Variants in TNRC6A observed in about 807,000 individuals in gnomAD.
The protein encoded by TNRC6A is trinucleotide repeat containing adaptor 6A.
In TNRC6A, 44 loss-of-function variants were observed where a neutral mutation model predicts 221.2. The observed-to-expected ratio is 0.20, with a 90% confidence interval of 0.16 to 0.26. The LOEUF (loss-of-function observed/expected upper bound fraction) is 0.26. Among genes scored for constraint, TNRC6A ranks in the 10% least tolerant of loss-of-function variants. TNRC6A has a pLI of 1.00. For missense variants in TNRC6A, 2,199 were observed against 2,404.4 expected (o/e 0.91, Z 1.79); for synonymous variants, 847 against 838.5 (o/e 1.01, Z -0.18).
chr16:24,753,560 A>C (rs954909347), intron 3 of TNRC6A, among the ~76,000 whole-genome samples: 3 of 152,330 alleles, frequency 2.0e-5, no homozygotes, highest in Admixed American at 6.5e-5. Flanking sequence ...GTGTTACCAG[A>C]TAGCTCTTGA....
At chr16:24,690,810 C>CT (rs11440232) in intron 2 of TNRC6A, among the ~76,000 whole-genome samples, 13,872 of 142,628 alleles carry the variant, frequency 0.097, 1,097 homozygotes, top group African/African-American at 0.21. Context: ...TCTTTTCTTT[C>CT]TTTTTTTTTT....
chr16:24,637,873 C>T (rs918997802), intron 1 of TNRC6A, among the ~76,000 whole-genome samples: 1 of 152,158 alleles, frequency 6.6e-6, no homozygotes, highest in South Asian at 2.1e-4. Context: ...GCACCCTCCA[C>T]CTCCTGGTTC....
intron 1 of TNRC6A, among the ~76,000 whole-genome samples, chr16:24,638,654 A>C (rs374983479): frequency 6.6e-6 from 1 of 152,046 alleles, no homozygotes; most frequent in South Asian, 2.1e-4. Context: ...CGGAGGTTGC[A>C]GTGAGCTGAG....
At chr16:24,809,516 AAAC>A (rs1394527529) in intron 18 of TNRC6A, 35 bp downstream of exon 18, 44 of 1,511,090 alleles carry the variant, frequency 2.9e-5, no homozygotes, top group Non-Finnish European at 3.6e-5. Flanking sequence ...AAAAAAAAAA[AAAC>A]ACACACACCT....
chr16:24,804,051 TCACATACCC>T, intron 11 of TNRC6A, 117 bp from the exon 12 acceptor site: 1 of 957,678 alleles, frequency 1.0e-6, no homozygotes, highest in Non-Finnish European at 1.5e-6. Flanking sequence ...AGTGTATTTT[TCACATACCC>T]TTGTCTTGGC....
chr16:24,757,017 C>T (rs1235539635), intron 3 of TNRC6A, among the ~76,000 whole-genome samples: 4 of 152,110 alleles, frequency 2.6e-5, no homozygotes, highest in Admixed American at 2.6e-4. Flanking sequence ...CATATACTAA[C>T]TTCTCTCTAA....
intron 8 of TNRC6A, 169 bp from the exon 9 acceptor site, chr16:24,795,738 T>C: frequency 1.8e-6 from 1 of 556,260 alleles, no homozygotes; most frequent in Non-Finnish European, 3.2e-6. Flanking sequence ...CTCACAACCA[T>C]CTAAGATAGG....
At chr16:24,635,378 G>T (rs1283579733) in intron 1 of TNRC6A, among the ~76,000 whole-genome samples, 1 of 152,006 alleles carries the variant, frequency 6.6e-6, no homozygotes, top group East Asian at 1.9e-4. Flanking sequence ...TGCCTCCCAG[G>T]TTCAAGCCAT....
chr16:24,671,925 AC>A (rs1328614310), intron 2 of TNRC6A, among the ~76,000 whole-genome samples: 1 of 152,216 alleles, frequency 6.6e-6, no homozygotes, highest in African/African-American at 2.4e-5. Flanking sequence ...AGAGACAAAA[AC>A]CAAATGCAAT....
chr16:24,812,877 CTTTTTTTTT>C (rs71383720), intron 18 of TNRC6A, among the ~76,000 whole-genome samples: 25 of 74,992 alleles, frequency 3.3e-4, no homozygotes, highest in South Asian at 1.2e-3. Flanking sequence ...ACCTCTTGGG[CTTTTTTTTT>C]TTTTTTTTTT....
At position 24,791,297 on chromosome 16, in the gene TNRC6A, C is replaced by T. The variant is rs373007955; in HGVS notation, c.2655C>T (p.Ser885=). 3.7e-5 allele frequency: 59 copies of T among 1,612,252 alleles called. No individual in the cohort carries two copies. The highest frequency in any genetic ancestry group is 3.3e-4 in the Middle Eastern group (2 of 6,044). The change falls in exon 6 of 25, where the codon TCC becomes TCT. Residue 885 remains serine, a synonymous_variant. Coordinates refer to ENST00000395799, the MANE Select transcript of TNRC6A (RefSeq NM_014494.4). ...GTAGTGACAGTGACAGGTCCGTTTC[C>T]GGTTGGAACGAACTTGGTAAAACTA... ...SGGSDSDRSV[S]GWNELGKTSS...
intron 2 of TNRC6A, among the ~76,000 whole-genome samples, chr16:24,713,455 A>ATAT (rs914271163): frequency 1.1e-5 from 1 of 91,940 alleles, no homozygotes; most frequent in Admixed American, 1.2e-4. Context: ...CAAACAAAAA[A>ATAT]ATATATATAT....
At chr16:24,663,588 A>T (rs1382485136) in intron 2 of TNRC6A, 1 of 162,242 alleles carries the variant, frequency 6.2e-6, no homozygotes, top group African/African-American at 2.4e-5. Flanking sequence ...AAAATCAGCA[A>T]AGGAAAAAGG....
intron 18 of TNRC6A, among the ~76,000 whole-genome samples, chr16:24,814,056 T>C (rs1264494833): frequency 6.6e-6 from 1 of 152,116 alleles, no homozygotes; most frequent in Non-Finnish European, 1.5e-5. Context: ...AGTGACAAGA[T>C]TGAGGATGCC....
chr16:24,695,810 T>G (rs1261938673), intron 2 of TNRC6A, among the ~76,000 whole-genome samples: 2 of 152,092 alleles, frequency 1.3e-5, no homozygotes, highest in Admixed American at 6.6e-5. Flanking sequence ...TCAGCCCTGG[T>G]GGTTAATTTG....
intron 4 of TNRC6A, among the ~76,000 whole-genome samples, chr16:24,767,930 G>A (rs1265264306): frequency 6.6e-6 from 1 of 152,142 alleles, no homozygotes; most frequent in Admixed American, 6.5e-5. Context: ...TTGCTACAGT[G>A]TCTTCCAGAA....
At chr16:24,661,663 C>G (rs982557690) in intron 2 of TNRC6A, 1 of 152,342 alleles carries the variant, frequency 6.6e-6, no homozygotes, top group South Asian at 2.1e-4. Context: ...CCGCCCGCCT[C>G]GGCCTCCCAA....
intron 4 of TNRC6A, among the ~76,000 whole-genome samples, chr16:24,766,344 C>CA (rs1471418494): frequency 2.1e-4 from 32 of 152,202 alleles, no homozygotes; most frequent in African/African-American, 6.5e-4. Flanking sequence ...CATTGCCTGG[C>CA]ATCTAGCTGA....
At chr16:24,681,064 C>T (rs1456000393) in intron 2 of TNRC6A, among the ~76,000 whole-genome samples, 1 of 151,686 alleles carries the variant, frequency 6.6e-6, no homozygotes, top group South Asian at 2.1e-4. Context: ...TATAATAAAA[C>T]CAAAATAACT....
Sources: gnomAD v4.1 joint callset for allele counts (sites outside exome capture counted in the v4.1 genomes callset) on GRCh38, gnomAD v4.1.1 for gene constraint, MANE v1.5 for transcripts, NCBI Gene and HGNC (gene_info 2026-07-23, HGNC 2026-07-21) for gene names.